PSMD12: variants seen among roughly 807,000 people sequenced by gnomAD.
PSMD12 encodes the protein proteasome 26S subunit, non-ATPase 12, also known as 26S proteasome non-ATPase regulatory subunit 12.
PSMD12 carries 8 observed loss-of-function variants against 62.9 expected under a neutral mutation model. That is an observed-to-expected ratio of 0.13 (90% confidence interval 0.07 to 0.23). PSMD12 has a LOEUF of 0.23. Ranked by LOEUF, PSMD12 falls within the 10% of genes least tolerant of loss-of-function variation. PSMD12 has a pLI of 1.00. For missense variants in PSMD12, 424 were observed against 550.2 expected (o/e 0.77, Z 2.29); for synonymous variants, 173 against 187.4 (o/e 0.92, Z 0.63).
At chr17:67,350,940 T>C (rs760715074) in intron 3 of PSMD12, among the ~76,000 whole-genome samples, 9 of 152,332 alleles carry the variant, frequency 5.9e-5, no homozygotes, top group South Asian at 4.1e-4. Flanking sequence ...CCAGTCTCTG[T>C]GGCAACTATT....
chr17:67,363,353 T>C (rs1329015110), intron 1 of PSMD12, among the ~76,000 whole-genome samples: 1 of 152,182 alleles, frequency 6.6e-6, no homozygotes, highest in African/African-American at 2.4e-5. Flanking sequence ...AGCATCTCGT[T>C]AGGCTGGCCT....
intron 1 of PSMD12, among the ~76,000 whole-genome samples, chr17:67,365,282 G>C (rs2042168895): frequency 6.6e-6 from 1 of 152,048 alleles, no homozygotes; most frequent in South Asian, 2.1e-4. Flanking sequence ...TCTAGAATCG[G>C]TCTGCCTGGG....
Position 67,357,389 on chromosome 17 carries a change from C to T in PSMD12, c.211G>A (p.Val71Met), listed in dbSNP as rs1332334979. Residue 71 changes from valine (V) to methionine (M), a missense_variant, in exon 3 of 11, where the codon GTG becomes ATG. Coordinates refer to ENST00000356126, the MANE Select transcript of PSMD12 (RefSeq NM_002816.5). ...TCTTTAGCCTCATAGCACATCTTCA[C>T]TACTGCAACTAAGATACGGGATGTC... ...VSTSRILVAV[V>M]KMCYEAKEWD... is the part of the protein sequence containing the mutation. The T allele has an allele frequency of 5.0e-6, 8 of 1,613,622 alleles. No homozygotes were observed. The highest frequency in any genetic ancestry group is 6.8e-6 in the Non-Finnish European group (8 of 1,179,590).
intron 3 of PSMD12, among the ~76,000 whole-genome samples, chr17:67,356,005 C>T (rs2042066921): frequency 6.7e-6 from 1 of 150,142 alleles, no homozygotes; most frequent in East Asian, 2.0e-4. Flanking sequence ...CACACACACA[C>T]ACACGCACAC....
At chr17:67,349,594 A>G (rs1270806282) in intron 4 of PSMD12, among the ~76,000 whole-genome samples, 1 of 152,260 alleles carries the variant, frequency 6.6e-6, no homozygotes, top group Non-Finnish European at 1.5e-5. Flanking sequence ...AAAGTGTGTT[A>G]TATGTAGTCC....
At chr17:67,366,283 G>C in intron 1 of PSMD12, 129 bp downstream of exon 1, 1 of 891,818 alleles carries the variant, frequency 1.1e-6, no homozygotes, top group Non-Finnish European at 1.7e-6. Context: ...CACTCGTGCA[G>C]GCCCAACTAG....
intron 3 of PSMD12, among the ~76,000 whole-genome samples, chr17:67,351,504 T>C (rs950271681): frequency 9.9e-5 from 15 of 151,542 alleles, no homozygotes; most frequent in African/African-American, 3.6e-4. Flanking sequence ...GAAAAGTGAA[T>C]AGAATATCTT....
chr17:67,348,788 A>G lies in PSMD12; in HGVS notation c.406-134T>C, dbSNP rs545784846. The G allele has an allele frequency of 3.3e-5, 22 of 675,160 alleles. No individual in the cohort carries two copies. In the South Asian group the frequency reaches 4.2e-4, roughly 13 times the overall value. The allele number at this position is 675,160 out of a possible 1,614,324, so 41.8% of individuals were successfully genotyped here. A position where few individuals can be genotyped will look rare whatever the true frequency, so the allele number is the denominator to read the frequency against. ...TGAGGCAGGAGGATCGCTTGAGTCCAGGAGTTTGAGACCAGCCTGGGAAAC... is the reference window on the plus strand; with the variant it reads ...TGAGGCAGGAGGATCGCTTGAGTCCGGGAGTTTGAGACCAGCCTGGGAAAC... On this transcript the variant is annotated intron_variant, in intron 4 of 10. Transcript: ENST00000356126.
At chr17:67,345,928 C>T in intron 7 of PSMD12, 71 bp from the exon 8 acceptor site, 1 of 1,348,914 alleles carries the variant, frequency 7.4e-7, no homozygotes, top group East Asian at 2.4e-5. Context: ...ACTGAACAAT[C>T]ATGGAATAAC....
intron 1 of PSMD12, among the ~76,000 whole-genome samples, chr17:67,358,636 G>C (rs1373608172): frequency 6.7e-6 from 1 of 149,404 alleles, no homozygotes; most frequent in Non-Finnish European, 1.5e-5. Flanking sequence ...ATTCCTTTAT[G>C]AAGTTACCGT....
chr17:67,359,775 C>G (rs2042112838), intron 1 of PSMD12, among the ~76,000 whole-genome samples: 1 of 152,008 alleles, frequency 6.6e-6, no homozygotes, highest in African/African-American at 2.4e-5. Flanking sequence ...GTTCTCCTTT[C>G]TCTGAAAGTT....
chr17:67,345,913 C>G (rs977532403), intron 7 of PSMD12, 56 bp from the exon 8 acceptor site: 1 of 1,452,328 alleles, frequency 6.9e-7, no homozygotes, highest in Non-Finnish European at 9.6e-7. Flanking sequence ...GAAACTTTGA[C>G]AAAAACTGAA....
chr17:67,341,469 CAAAAAAAAA>C (rs71368819), intron 10 of PSMD12, among the ~76,000 whole-genome samples: 2 of 51,130 alleles, frequency 3.9e-5, no homozygotes, highest in East Asian at 7.4e-4. Flanking sequence ...GACTCTGCCT[CAAAAAAAAA>C]AAAAAAAAAA....
At chr17:67,359,743 G>A (rs184224888) in intron 1 of PSMD12, among the ~76,000 whole-genome samples, 1 of 151,986 alleles carries the variant, frequency 6.6e-6, no homozygotes, top group African/African-American at 2.4e-5. Context: ...TTTTAACAAC[G>A]TTTCCTGTTT....
At chr17:67,348,735 C>T (rs2041991740) in intron 4 of PSMD12, 81 bp from the exon 5 acceptor site, 2 of 1,203,770 alleles carry the variant, frequency 1.7e-6, no homozygotes, top group Non-Finnish European at 2.4e-6. Context: ...TGTTGGCTCA[C>T]ACCTGTAATC....
chr17:67,342,985 C>T (rs965500596), intron 9 of PSMD12, among the ~76,000 whole-genome samples: 2 of 151,510 alleles, frequency 1.3e-5, no homozygotes, highest in Non-Finnish European at 2.9e-5. Flanking sequence ...ATACTCATCA[C>T]TTTACCATTA....
In PSMD12 at chr17:67,347,397, A is replaced by G; in HGVS notation, c.599T>C (p.Ile200Thr). The change falls in exon 6 of 11, where the codon ATT becomes ACT. Residue 200 changes from isoleucine to threonine, a missense_variant. Coordinates refer to ENST00000356126, the MANE Select transcript of PSMD12 (RefSeq NM_002816.5). The stretch of plus-strand genomic sequence containing the variant: ...TTTCTTGCTGATGATTTGTGTTCGA[A>G]TGTAATCCTTCACAGCTAGGCAGAG... ...MRLCLAVKDY[I>T]RTQIISKKIN... is the part of the protein sequence containing the mutation. 6.2e-7 allele frequency: 1 copy of G among 1,613,978 alleles called. No homozygotes were observed. Among genetic ancestry groups the G allele is most frequent in the Middle Eastern group, 1.7e-4 (1 of 6,060 alleles).
intron 3 of PSMD12, chr17:67,357,038 A>G (rs2042081667): frequency 3.7e-6 from 1 of 267,966 alleles, no homozygotes; most frequent in Non-Finnish European, 6.9e-6. Context: ...AGGAAAAAAT[A>G]AAAGTAGCAA....
intron 1 of PSMD12, among the ~76,000 whole-genome samples, chr17:67,358,325 T>C (rs1460470117): frequency 6.6e-6 from 1 of 151,992 alleles, no homozygotes; most frequent in African/African-American, 2.4e-5. Context: ...GACAGCATTT[T>C]AGGAGACCGA....
Sources: allele counts gnomAD v4.1 joint callset (sites outside exome capture counted in the v4.1 genomes callset), GRCh38; gene constraint gnomAD v4.1.1; transcripts MANE v1.5; gene names NCBI Gene and HGNC (gene_info 2026-07-23, HGNC 2026-07-21).